Variants in LYZL4 observed in about 807,000 individuals in gnomAD.
The protein encoded by LYZL4 is lysozyme-like protein 4.
A neutral mutation model predicts 17.6 loss-of-function variants in LYZL4; 13 were observed. The observed-to-expected ratio is 0.74, with a 90% CI of 0.48 to 1.18. The LOEUF (loss-of-function observed/expected upper bound fraction) is 1.18. Ranked by LOEUF, LYZL4 falls within the 50% of genes most tolerant of loss-of-function variation. The pLI is 0.00. For missense variants in LYZL4, 174 were observed against 188.2 expected (o/e 0.92, Z 0.44); for synonymous variants, 64 against 67.7 (o/e 0.95, Z 0.27).
chr3:42,406,840 A>G lies in LYZL4; in HGVS notation c.292+6T>C. 6.2e-7 allele frequency: 1 copy of G among 1,613,796 alleles called. No individual in the cohort carries two copies. Among genetic ancestry groups the G allele is most frequent in the Non-Finnish European group, 8.5e-7 (1 of 1,180,038 alleles). ...GCCCCCGCACGGAATGGAAAGAGGG[A>G]CTTACCGGAACATGACATATGGCAG... On this transcript the variant is annotated splice_donor_region_variant and intron_variant, in intron 3 of 4. Coordinates refer to ENST00000287748, the MANE Select transcript of LYZL4 (RefSeq NM_144634.4).
intron 3 of LYZL4, among the ~76,000 whole-genome samples, chr3:42,406,260 T>C (rs1698746320): frequency 6.6e-6 from 1 of 152,058 alleles, no homozygotes; most frequent in South Asian, 2.1e-4. Context: ...GAGACCATCC[T>C]GGCTAACACA....
intron 4 of LYZL4, among the ~76,000 whole-genome samples, chr3:42,400,796 G>C (rs1025097145): frequency 6.6e-6 from 1 of 152,142 alleles, no homozygotes; most frequent in African/African-American, 2.4e-5. Flanking sequence ...AGAAAAGGTA[G>C]GGGAAGAAGG....
the LYZL4 span, among the ~76,000 whole-genome samples, chr3:42,390,379 A>G: frequency 1.3e-3 from 200 of 152,286 alleles, 1 homozygote; most frequent in African/African-American, 4.7e-3. Context: ...ACAAGGATGA[A>G]GTTTTTGCAT....
downstream of LYZL4, among the ~76,000 whole-genome samples, chr3:42,393,782 GC>G (rs1698518440): frequency 6.6e-6 from 1 of 152,062 alleles, no homozygotes; most frequent in Non-Finnish European, 1.5e-5. Context: ...TTTAACAGTC[GC>G]CCCAGGTGAT....
At chr3:42,387,601 C>T in the LYZL4 span, among the ~76,000 whole-genome samples, 2 of 152,272 alleles carry the variant, frequency 1.3e-5, no homozygotes, top group East Asian at 3.9e-4. Flanking sequence ...TGCTCCACCA[C>T]CCCAACTCTC....
chr3:42,363,698 A>C, the LYZL4 span, among the ~76,000 whole-genome samples: 3 of 152,208 alleles, frequency 2.0e-5, no homozygotes, highest in African/African-American at 7.2e-5. Context: ...GTCACAGAAG[A>C]ATTGAGGTAA....
rs1698778043 is a variant in LYZL4, at chr3:42,407,358, G to A, written c.-92-15C>T. The A allele has an allele frequency of 2.1e-6, 3 of 1,442,830 alleles. No individual in the cohort carries two copies. Among genetic ancestry groups the A allele is most frequent in the African/African-American group, 1.4e-5 (1 of 70,822 alleles). 89.4% of individuals were successfully genotyped at this position (1,442,830 alleles called of 1,614,324 possible). A position where few individuals can be genotyped will look rare whatever the true frequency, so the allele number is the denominator to read the frequency against. On this transcript the variant is annotated splice_polypyrimidine_tract_variant and intron_variant, in intron 1 of 4. Coordinates refer to ENST00000287748, the MANE Select transcript of LYZL4 (RefSeq NM_144634.4). ...AAAGAAGGGCACTGTGGGGGTGGGG[G>A]TGGAGCACAGTTCAGTGTCATCAGA...
intron 4 of LYZL4, among the ~76,000 whole-genome samples, chr3:42,403,091 T>A (rs1698685577): frequency 6.6e-6 from 1 of 152,212 alleles, no homozygotes; most frequent in Non-Finnish European, 1.5e-5. Context: ...AATCAGTTAA[T>A]GTACCAAATA....
At chr3:42,387,244 A>G in the LYZL4 span, among the ~76,000 whole-genome samples, 1 of 152,210 alleles carries the variant, frequency 6.6e-6, no homozygotes. Context: ...AACAAGATTA[A>G]GTACCATGCC....
the LYZL4 span, among the ~76,000 whole-genome samples, chr3:42,377,275 C>T: frequency 6.6e-6 from 1 of 152,138 alleles, no homozygotes; most frequent in Non-Finnish European, 1.5e-5. Context: ...TCCTTTAACC[C>T]TCACTGTCTG....
At chr3:42,409,263 AGAGT>A (rs1698819623) in intron 1 of LYZL4, among the ~76,000 whole-genome samples, 1 of 152,208 alleles carries the variant, frequency 6.6e-6, no homozygotes. Context: ...GTTGATTTGA[AGAGT>A]AAGTGAATTA....
intron 4 of LYZL4, among the ~76,000 whole-genome samples, chr3:42,399,338 T>A (rs566074384): frequency 1.3e-5 from 2 of 152,294 alleles, no homozygotes; most frequent in African/African-American, 4.8e-5. Flanking sequence ...TCTCTAAGGA[T>A]ACAATTGAAA....
the LYZL4 span, among the ~76,000 whole-genome samples, chr3:42,379,726 G>C: frequency 3.3e-5 from 5 of 152,256 alleles, no homozygotes; most frequent in South Asian, 1.0e-3. Flanking sequence ...TCCTCAAAAA[G>C]ACAATCAGAT....
the LYZL4 span, among the ~76,000 whole-genome samples, chr3:42,382,756 G>C: frequency 6.6e-6 from 1 of 151,710 alleles, no homozygotes; most frequent in Non-Finnish European, 1.5e-5. Flanking sequence ...TAGCTTAAAG[G>C]AATTTTTTAA....
chr3:42,377,625 C>CTCTCTG, the LYZL4 span, among the ~76,000 whole-genome samples: 8 of 143,686 alleles, frequency 5.6e-5, no homozygotes, highest in South Asian at 2.3e-4. Context: ...GCATGACTCT[C>CTCTCTG]TGTGTGTGTG....
the LYZL4 span, among the ~76,000 whole-genome samples, chr3:42,373,950 G>A: frequency 2.6e-5 from 4 of 152,080 alleles, no homozygotes; most frequent in Non-Finnish European, 5.9e-5. Flanking sequence ...TAAATGTAAG[G>A]ATAATGAAAT....
chr3:42,397,676 C>T (rs1014587175), intron 4 of LYZL4, among the ~76,000 whole-genome samples: 1 of 152,072 alleles, frequency 6.6e-6, no homozygotes, highest in South Asian at 2.1e-4. Context: ...AAGTAAGCTT[C>T]AGAGAAGTTC....
At chr3:42,378,706 T>C in the LYZL4 span, among the ~76,000 whole-genome samples, 1 of 152,148 alleles carries the variant, frequency 6.6e-6, no homozygotes, top group Non-Finnish European at 1.5e-5. Context: ...TGCAGCCCAT[T>C]CCTGAAACTC....
At chr3:42,361,156 A>G in the LYZL4 span, among the ~76,000 whole-genome samples, 1 of 152,182 alleles carries the variant, frequency 6.6e-6, no homozygotes, top group Non-Finnish European at 1.5e-5. Flanking sequence ...GCAAATGAAT[A>G]TGTGTATGTA....
Sources: gnomAD v4.1 joint callset for allele counts (sites outside exome capture counted in the v4.1 genomes callset) on GRCh38, gnomAD v4.1.1 for gene constraint, MANE v1.5 for transcripts, NCBI Gene and HGNC (gene_info 2026-07-23, HGNC 2026-07-21) for gene names.